BNIP2: variants seen among roughly 807,000 people sequenced by gnomAD.
The protein encoded by BNIP2 is BCL2 interacting protein 2, also known as BCL2/adenovirus E1B 19 kDa protein-interacting protein 2.
A neutral mutation model predicts 43.4 loss-of-function variants in BNIP2; 36 were observed. The ratio of observed to expected loss-of-function variants is 0.83; its 90% CI spans 0.64 to 1.10. The LOEUF is 1.10. BNIP2 is among the 50% of genes least tolerant of loss of function. The probability of loss-of-function intolerance (pLI) is 0.00; values close to 1 mark genes in which losing one functional copy is unlikely to be tolerated. For synonymous variants in BNIP2, 146 were observed against 121.0 expected, an observed-to-expected ratio of 1.21 and a Z score of -1.35; for missense variants, 417 against 374.1, an observed-to-expected ratio of 1.11 and a Z score of -0.95.
chr15:59,674,529 C>A (rs867799135), intron 5 of BNIP2, among the ~76,000 whole-genome samples: 1 of 152,072 alleles, frequency 6.6e-6, no homozygotes, highest in African/African-American at 2.4e-5. Flanking sequence ...CATCTGAGTA[C>A]GATTAAATTA....
intron 5 of BNIP2, 63 bp downstream of exon 5, chr15:59,677,848 T>C (rs1893403250): frequency 6.6e-7 from 1 of 1,523,824 alleles, no homozygotes; most frequent in Non-Finnish European, 8.8e-7. Context: ...CAGATATCCT[T>C]CCAAAAAAAA....
At chr15:59,681,193 C>A (rs1273911675) in intron 2 of BNIP2, among the ~76,000 whole-genome samples, 1 of 152,194 alleles carries the variant, frequency 6.6e-6, no homozygotes, top group Non-Finnish European at 1.5e-5. Flanking sequence ...GGTCTCCGAT[C>A]AGCTGTCCAA....
intron 9 of BNIP2, 28 bp from the exon 10 acceptor site, chr15:59,664,148 G>A (rs1312539488): frequency 7.0e-7 from 1 of 1,420,264 alleles, no homozygotes; most frequent in East Asian, 2.5e-5. Flanking sequence ...TATAAAATAA[G>A]AAACCAGCAA....
chr15:59,681,525 G>A (rs556114796), intron 2 of BNIP2, among the ~76,000 whole-genome samples: 8 of 150,662 alleles, frequency 5.3e-5, no homozygotes, highest in East Asian at 2.0e-4. Flanking sequence ...CTTGGCTCAC[G>A]GCAACCCCTG....
chr15:59,678,687 G>A, intron 4 of BNIP2: 1 of 1,200,688 alleles, frequency 8.3e-7, no homozygotes, highest in East Asian at 6.1e-5. Flanking sequence ...TTTTGAGATT[G>A]CAGTTTAGCT....
chr15:59,678,092 C>A lies in BNIP2; in HGVS notation c.296-5G>T. 2 of 1,598,530 alleles carry A rather than the reference C, an allele frequency of 1.3e-6. No individual in the cohort carries two copies. The highest frequency in any genetic ancestry group is 2.2e-5 in the East Asian group (1 of 44,730). The stretch of plus-strand genomic sequence containing the variant: ...TCTTGGGTTTTGGAAGATCATCTGT[C>A]AAAATACAAAGTTTTTGAATCACAA... On this transcript the variant is annotated splice_polypyrimidine_tract_variant and splice_region_variant and intron_variant, in intron 4 of 9. Coordinates refer to ENST00000607373, the MANE Select transcript of BNIP2 (RefSeq NM_004330.4).
chr15:59,689,277 CGCAGCGGTACGGCGTCGGCG>C lies in BNIP2; in HGVS notation c.-220_-201del, dbSNP rs1383677115. ...GGAGACCCCGGCCCAATCCCCCGGC[CGCAGCGGTACGGCGTCGGCG>C]GCAGCAGCTGACCCGGACACAGTGA... is the stretch of plus-strand genomic sequence containing the variant. On this transcript the variant is annotated 5_prime_UTR_variant, in exon 1 of 10. Coordinates refer to ENST00000607373, the MANE Select transcript of BNIP2 (RefSeq NM_004330.4). The C allele has an allele frequency of 6.5e-7, 1 of 1,545,936 alleles. No individual in the cohort carries two copies. Among genetic ancestry groups the C allele is most frequent in the Admixed American group, 2.0e-5 (1 of 50,956 alleles).
chr15:59,677,250 T>C (rs1893363160), intron 5 of BNIP2: 1 of 1,596,650 alleles, frequency 6.3e-7, no homozygotes, highest in African/African-American at 1.3e-5. Flanking sequence ...CCGGCTGGAC[T>C]GCTTGACTGA....
intron 5 of BNIP2, 60 bp downstream of exon 5, chr15:59,677,851 A>C (rs1426531628): frequency 4.1e-5 from 47 of 1,133,308 alleles, no homozygotes; most frequent in Non-Finnish European, 5.6e-5. Context: ...ATATCCTTCC[A>C]AAAAAAAAAG....
chr15:59,685,240 C>G (rs369306177), intron 1 of BNIP2, among the ~76,000 whole-genome samples: 5 of 152,214 alleles, frequency 3.3e-5, no homozygotes, highest in African/African-American at 1.2e-4. Context: ...TGGCTCACAC[C>G]TGTAATCCCA....
chr15:59,677,108 G>C, intron 5 of BNIP2: 1 of 1,607,370 alleles, frequency 6.2e-7, no homozygotes, highest in Non-Finnish European at 8.5e-7. Context: ...AAATGGGCAA[G>C]GTCAAGGATA....
chr15:59,663,162 A>G lies in BNIP2; in HGVS notation c.*907T>C, dbSNP rs1325320397. The G allele has an allele frequency of 1.3e-5, 2 of 152,650 alleles. No individual in the cohort carries two copies. Among genetic ancestry groups the G allele is most frequent in the African/African-American group, 4.8e-5 (2 of 41,440 alleles). The allele number at this position is 152,650 out of a possible 1,614,324, so 9.5% of individuals were successfully genotyped here. The stretch of plus-strand genomic sequence containing the variant: ...TTCTATAGAAAAAGTTGTGACAGTG[A>G]ATAACTCATCACATTCTCTGCAATA... On this transcript the variant is annotated 3_prime_UTR_variant, in exon 10 of 10. Transcript: ENST00000607373.
At chr15:59,665,285 A>T (rs1198323435) in intron 9 of BNIP2, 2 of 151,796 alleles carry the variant, frequency 1.3e-5, no homozygotes, top group Non-Finnish European at 2.9e-5. Flanking sequence ...TAAAATAAAA[A>T]AAAAGAATTT....
chr15:59,675,273 T>A (rs1465724274), intron 5 of BNIP2, among the ~76,000 whole-genome samples: 1 of 141,880 alleles, frequency 7.0e-6, no homozygotes, highest in African/African-American at 2.6e-5. Flanking sequence ...GAAAAAAAAA[T>A]TTGTTCACGG....
At chr15:59,664,155 G>C in intron 9 of BNIP2, 35 bp from the exon 10 acceptor site, 1 of 1,337,300 alleles carries the variant, frequency 7.5e-7, no homozygotes, top group Non-Finnish European at 1.0e-6. Context: ...TAAGAAACCA[G>C]CAACTGAACA....
chr15:59,676,746 G>C (rs919443885), intron 5 of BNIP2: 1 of 1,384,348 alleles, frequency 7.2e-7, no homozygotes, highest in Non-Finnish European at 9.9e-7. Context: ...GGGCGGCAGA[G>C]TTGGGGTGTC....
chr15:59,687,010 G>A (rs185521189), intron 1 of BNIP2, among the ~76,000 whole-genome samples: 1 of 152,162 alleles, frequency 6.6e-6, no homozygotes, highest in Admixed American at 6.5e-5. Flanking sequence ...GAGCGAGACT[G>A]CATCTCAAAA....
At position 59,668,071 on chromosome 15, in the gene BNIP2, C is replaced by A. The variant is rs1471846518; in HGVS notation, c.893+821G>T. On this transcript the variant is annotated intron_variant, in intron 9 of 9. Coordinates refer to ENST00000607373, the MANE Select transcript of BNIP2 (RefSeq NM_004330.4). ...TAGTCTGCAATGCAAATGGACTAGTCTAGATGCAACCCAGTCAAGGTGTGC... is the reference window on the plus strand; with the variant it reads ...TAGTCTGCAATGCAAATGGACTAGTATAGATGCAACCCAGTCAAGGTGTGC... The A allele has an allele frequency of 4.7e-6, 6 of 1,284,376 alleles. No homozygotes were observed. The South Asian group carries it at 7.6e-5, about 16-fold the overall frequency. The allele number at this position is 1,284,376 out of a possible 1,614,324, so 79.6% of individuals were successfully genotyped here. A position where few individuals can be genotyped will look rare whatever the true frequency, so the allele number is the denominator to read the frequency against.
rs140996785 is a variant in BNIP2, at chr15:59,668,802, A to G, written c.893+90T>C. 8.4e-4 allele frequency: 974 copies of G among 1,156,400 alleles called. 8 individuals are homozygous for G. The African/African-American group carries it at 0.013, about 15-fold the overall frequency. The allele number at this position is 1,156,400 out of a possible 1,614,324, so 71.6% of individuals were successfully genotyped here. ...CGCGCGCGCACAGTTATAAAATATA[A>G]TACATAAAGAATGAGTATTGAAAAG... On this transcript the variant is annotated intron_variant, in intron 9 of 9. Coordinates refer to ENST00000607373, the MANE Select transcript of BNIP2 (RefSeq NM_004330.4).
Sources: gnomAD v4.1 joint callset for allele counts (sites outside exome capture counted in the v4.1 genomes callset) on GRCh38, gnomAD v4.1.1 for gene constraint, MANE v1.5 for transcripts, NCBI Gene and HGNC (gene_info 2026-07-23, HGNC 2026-07-21) for gene names.